Variants in RNF222 observed in about 807,000 individuals in gnomAD.
RNF222 encodes RING finger protein LOC643904.
RNF222 carries 14 observed loss-of-function variants against 10.8 expected under a neutral mutation model. That is an observed-to-expected ratio of 1.30 (90% confidence interval 0.86 to 2.03). RNF222 has a LOEUF of 2.03. Among genes scored for constraint, RNF222 ranks in the 30% most tolerant of loss-of-function variants. The pLI is 0.00. For missense variants in RNF222, 298 were observed against 295.8 expected, an observed-to-expected ratio of 1.01 and a Z score of -0.06; for synonymous variants, 141 against 142.5, an observed-to-expected ratio of 0.99 and a Z score of 0.07.
rs1417538012 is a variant in RNF222 at position 8,391,252 on chromosome 17, C to A, written c.*1547G>T. ...GGCCAGGCTGGTCTCGAACTCCTGACCTTGTGATCCACCCACCTCGGCCTC... is the reference window on the plus strand; with the variant it reads ...GGCCAGGCTGGTCTCGAACTCCTGAACTTGTGATCCACCCACCTCGGCCTC... On this transcript the variant is annotated 3_prime_UTR_variant, in exon 3 of 3. Coordinates refer to ENST00000399398, the MANE Select transcript of RNF222 (RefSeq NM_001146684.3). 1 of 152,174 alleles carries A rather than the reference C, an allele frequency of 6.6e-6. No homozygotes were observed. Among genetic ancestry groups the A allele is most frequent in the African/African-American group, 2.4e-5 (1 of 41,404 alleles). 9.4% of individuals were successfully genotyped at this position (152,174 alleles called of 1,614,324 possible).
At chr17:8,394,992 A>G (rs181737770) in intron 1 of RNF222, among the ~76,000 whole-genome samples, 1 of 152,340 alleles carries the variant, frequency 6.6e-6, no homozygotes. Context: ...CCCTGGACAC[A>G]CTGATAAAAT....
intron 1 of RNF222, among the ~76,000 whole-genome samples, chr17:8,396,084 A>G (rs141331408): frequency 1.3e-4 from 20 of 152,284 alleles, no homozygotes; most frequent in African/African-American, 4.8e-4. Flanking sequence ...TGAAAGGAGT[A>G]TTGATGATCA....
At chr17:8,393,913 G>A (rs1907955936) in intron 2 of RNF222, among the ~76,000 whole-genome samples, 1 of 152,168 alleles carries the variant, frequency 6.6e-6, no homozygotes, top group African/African-American at 2.4e-5. Context: ...GAAGATGCAT[G>A]CACAGCCCCA....
rs1907914330 is a variant in RNF222 at position 8,393,168 on chromosome 17, G to C, written c.294C>G (p.Pro98=). 2.6e-6 allele frequency: 4 copies of C among 1,550,018 alleles called. No homozygotes were observed. The highest frequency in any genetic ancestry group is 3.5e-6 in the Non-Finnish European group (4 of 1,146,756). The change falls in exon 3 of 3, where the codon CCC becomes CCG. Residue 98 remains proline (P), a synonymous_variant. Transcript: ENST00000399398. ...TTGTGTGGCCCAGGCTGTCCAGTGGGGGCACGGAGGGCAGGCCCACGGGCA... is the reference window on the plus strand; with the variant it reads ...TTGTGTGGCCCAGGCTGTCCAGTGGCGGCACGGAGGGCAGGCCCACGGGCA... ...LAVPVGLPSV[P]PLDSLGHTNP... is the part of the protein sequence containing the mutation.
Position 8,392,674 on chromosome 17 carries a change from C to G in RNF222, c.*125G>C. 1 of 1,238,522 alleles carries G rather than the reference C, an allele frequency of 8.1e-7. No individual in the cohort carries two copies. Among genetic ancestry groups the G allele is most frequent in the South Asian group, 1.6e-5 (1 of 64,244 alleles). 76.7% of individuals were successfully genotyped at this position (1,238,522 alleles called of 1,614,324 possible). A position where few individuals can be genotyped will look rare whatever the true frequency, so the allele number is the denominator to read the frequency against. On this transcript the variant is annotated 3_prime_UTR_variant, in exon 3 of 3. Transcript: ENST00000399398. The surrounding 1 kb of genome is among the most constrained non-coding windows in gnomAD (Gnocchi z 4.3). The stretch of plus-strand genomic sequence containing the variant: ...GGGTCGGGGAAGCCCAAGGCCCTCT[C>G]TGTGCCCAGGTCCTCCCCTCTGCCT...
Position 8,392,322 on chromosome 17 carries a change from T to G in RNF222, c.*477A>C. 6.2e-6 allele frequency: 1 copy of G among 160,294 alleles called. No homozygotes were observed. The highest frequency in any genetic ancestry group is 1.4e-5 in the Non-Finnish European group (1 of 72,836). 9.9% of individuals were successfully genotyped at this position (160,294 alleles called of 1,614,324 possible). ...TGGAGGTCGGGGGTGAGTGCTGAGA[T>G]TCTGGGCGCCCCTTCTGTCTGTTCC... is the stretch of plus-strand genomic sequence containing the variant. On this transcript the variant is annotated 3_prime_UTR_variant, in exon 3 of 3. Coordinates refer to ENST00000399398, the MANE Select transcript of RNF222 (RefSeq NM_001146684.3). This position sits in a 1 kb window ranked among gnomAD's most constrained non-coding sequence, Gnocchi z 4.3.
chr17:8,394,705 G>A (rs1414924473), intron 1 of RNF222, among the ~76,000 whole-genome samples: 2 of 152,216 alleles, frequency 1.3e-5, no homozygotes, highest in Non-Finnish European at 2.9e-5. Context: ...GCCTCCCAAA[G>A]TGCTGGGATT....
rs781218107 is a variant in RNF222 at position 8,393,385 on chromosome 17, C to A, written c.77G>T (p.Gly26Val). The A allele has an allele frequency of 6.4e-7, 1 of 1,551,538 alleles. No homozygotes were observed. The highest frequency in any genetic ancestry group is 1.4e-5 in the African/African-American group (1 of 73,044). ...VCYEKFRDLE[G>V]ASRTLSCGHV... Reference sequence around the variant, plus strand: ...GCCACAGCTCAGCGTCCGGCTGGCGCCCTCCAGGTCCCGGAACTTCTCATA... The same window carrying A: ...GCCACAGCTCAGCGTCCGGCTGGCGACCTCCAGGTCCCGGAACTTCTCATA... The change falls in exon 3 of 3, where the codon GGC (glycine) becomes GTC (valine). Residue 26 changes from glycine to valine, a missense_variant. Transcript: ENST00000399398.
In RNF222 at chr17:8,391,955, T is replaced by C. The variant is rs1001824361; in HGVS notation, c.*844A>G. The C allele has an allele frequency of 1.3e-5, 2 of 152,192 alleles. No homozygotes were observed. Among genetic ancestry groups the C allele is most frequent in the Admixed American group, 1.3e-4 (2 of 15,250 alleles). 9.4% of individuals were successfully genotyped at this position (152,192 alleles called of 1,614,324 possible). A position where few individuals can be genotyped will look rare whatever the true frequency, so the allele number is the denominator to read the frequency against. The stretch of plus-strand genomic sequence containing the variant: ...GGAGGGAGGCGGGAGCCCCCAGGGG[T>C]TCGTTTGCCCACATAGTTCTCAGCT... On this transcript the variant is annotated 3_prime_UTR_variant, in exon 3 of 3. Coordinates refer to ENST00000399398, the MANE Select transcript of RNF222 (RefSeq NM_001146684.3).
intron 1 of RNF222, among the ~76,000 whole-genome samples, chr17:8,395,970 A>G (rs898267285): frequency 3.9e-5 from 6 of 152,230 alleles, no homozygotes; most frequent in Non-Finnish European, 5.9e-5. Context: ...GCTATGTGCT[A>G]GGTACTGACT....
rs1009920555 is a variant in RNF222 at position 8,397,748 on chromosome 17, C to T, written c.-231G>A. The T allele has an allele frequency of 6.6e-6, 1 of 152,590 alleles. No individual in the cohort carries two copies. Among genetic ancestry groups the T allele is most frequent in the Non-Finnish European group, 1.5e-5 (1 of 68,358 alleles). 9.5% of individuals were successfully genotyped at this position (152,590 alleles called of 1,614,324 possible). ...TGGGGCCTCCAGCAGATCTGAGCCACCCCGAGGTGCTGAGCAGCAGCACGA... is the reference window on the plus strand; with the variant it reads ...TGGGGCCTCCAGCAGATCTGAGCCATCCCGAGGTGCTGAGCAGCAGCACGA... On this transcript the variant is annotated 5_prime_UTR_variant, in exon 1 of 3. It adds an upstream start codon to the 5' untranslated region. Coordinates refer to ENST00000399398, the MANE Select transcript of RNF222 (RefSeq NM_001146684.3).
intron 2 of RNF222, 129 bp from the exon 3 acceptor site, chr17:8,393,615 T>G: frequency 7.7e-7 from 1 of 1,305,190 alleles, no homozygotes; most frequent in East Asian, 2.6e-5. Flanking sequence ...TCTCTCTTCC[T>G]CCTACTCTTG....
chr17:8,396,575 C>T (rs1440704806), intron 1 of RNF222, among the ~76,000 whole-genome samples: 6 of 148,810 alleles, frequency 4.0e-5, no homozygotes, highest in African/African-American at 1.3e-4. Context: ...ATGGCCTCTC[C>T]GGACAATCCT....
intron 1 of RNF222, among the ~76,000 whole-genome samples, chr17:8,396,162 A>G (rs1045919995): frequency 2.0e-5 from 3 of 152,226 alleles, no homozygotes; most frequent in African/African-American, 7.2e-5. Flanking sequence ...AATAAGGAAT[A>G]CTAGAGGGAA....
chr17:8,393,463 G>A lies in RNF222; in HGVS notation c.-2C>T. 2.3e-5 allele frequency: 36 copies of A among 1,545,680 alleles called. No homozygotes were observed. Among genetic ancestry groups the A allele is most frequent in the Non-Finnish European group, 3.1e-5 (36 of 1,144,006 alleles). ...GTCCTTGCTCTCCCCTTCTGACATGGCCACTGGGAGATGGCACGCTCAGCT... is the reference window on the plus strand; with the variant it reads ...GTCCTTGCTCTCCCCTTCTGACATGACCACTGGGAGATGGCACGCTCAGCT... On this transcript the variant is annotated 5_prime_UTR_variant, in exon 3 of 3. Coordinates refer to ENST00000399398, the MANE Select transcript of RNF222 (RefSeq NM_001146684.3).
intron 1 of RNF222, among the ~76,000 whole-genome samples, chr17:8,396,049 A>T (rs894632200): frequency 7.9e-5 from 12 of 152,232 alleles, no homozygotes; most frequent in African/African-American, 2.7e-4. Flanking sequence ...GACATTTATA[A>T]GTTTTCTTGA....
Position 8,393,345 on chromosome 17 carries a change from A to G in RNF222, c.117T>C (p.His39=), listed in dbSNP as rs1232573038. The G allele has an allele frequency of 8.4e-6, 13 of 1,551,658 alleles. No individual in the cohort carries two copies. Among genetic ancestry groups the G allele is most frequent in the Middle Eastern group, 1.7e-4 (1 of 5,992 alleles). The part of the protein sequence containing the change: ...RTLSCGHVFC[H]DCLVKYLLST... ...ACAGCAGGTACTTGACCAGGCAGTC[A>G]TGGCAGAACACATGGCCACAGCTCA... The change falls in exon 3 of 3, where the codon CAT becomes CAC. Residue 39 remains histidine (H), a synonymous_variant. Transcript: ENST00000399398.
rs1907856046 is a variant in RNF222, at chr17:8,392,126, C to G, written c.*673G>C. 1 of 152,392 alleles carries G rather than the reference C, an allele frequency of 6.6e-6. No homozygotes were observed. Among genetic ancestry groups the G allele is most frequent in the Non-Finnish European group, 1.5e-5 (1 of 68,194 alleles). 9.4% of individuals were successfully genotyped at this position (152,392 alleles called of 1,614,324 possible). ...GTGGGGCACTCTGCTGGGGTGGCCT[C>G]TATCAACCAACCCCTGTCTCTGGAT... On this transcript the variant is annotated 3_prime_UTR_variant, in exon 3 of 3. Transcript: ENST00000399398. The surrounding 1 kb of genome is among the most constrained non-coding windows in gnomAD (Gnocchi z 4.3).
Position 8,393,141 on chromosome 17 carries a change from G to T in RNF222, c.321C>A (p.Asn107Lys), listed in dbSNP as rs1307536722. 4.5e-6 allele frequency: 7 copies of T among 1,544,520 alleles called. No individual in the cohort carries two copies. Among genetic ancestry groups the T allele is most frequent in the African/African-American group, 4.1e-5 (3 of 72,946 alleles). Residue 107 changes from asparagine to lysine, a missense_variant, in exon 3 of 3, where the codon AAC becomes AAA. Asn to Lys is a moderately conservative substitution (Grantham distance 94). Coordinates refer to ENST00000399398, the MANE Select transcript of RNF222 (RefSeq NM_001146684.3). ...VPPLDSLGHT[N>K]PLAASSPAWR... is the part of the protein sequence containing the mutation. ...AGGCAGGGGAGGAGGCGGCCAGGGG[G>T]TTTGTGTGGCCCAGGCTGTCCAGTG...
Sources: allele counts gnomAD v4.1 joint callset (sites outside exome capture counted in the v4.1 genomes callset), GRCh38; gene constraint gnomAD v4.1.1; non-coding constraint Gnocchi (gnomAD v3.1); transcripts MANE v1.5; gene names NCBI Gene and HGNC (gene_info 2026-07-23, HGNC 2026-07-21).